Variants in ANKS1B observed in about 807,000 individuals in gnomAD.
ANKS1B encodes ankyrin repeat and sterile alpha motif domain containing 1B, also known as ankyrin repeat and sterile alpha motif domain-containing protein 1B.
Under a neutral mutation model 148.3 loss-of-function variants are expected in ANKS1B, and 36 were observed. That is an observed-to-expected ratio of 0.24 (90% confidence interval 0.19 to 0.32). The LOEUF (loss-of-function observed/expected upper bound fraction) is 0.32. Among genes scored for constraint, ANKS1B ranks in the 10% least tolerant of loss-of-function variants. ANKS1B has a pLI of 1.00. For synonymous variants in ANKS1B, 542 were observed against 560.8 expected, an observed-to-expected ratio of 0.97 and a Z score of 0.47; for missense variants, 1,157 against 1,542.6, an observed-to-expected ratio of 0.75 and a Z score of 4.19.
At chr12:99,760,879 G>A (rs1280203471) in intron 8 of ANKS1B, among the ~76,000 whole-genome samples, 2 of 150,252 alleles carry the variant, frequency 1.3e-5, no homozygotes, top group South Asian at 2.1e-4. Context: ...CAATCCCACC[G>A]AAATACAAAA....
At chr12:99,192,668 AC>A (rs1178544957) in intron 14 of ANKS1B, among the ~76,000 whole-genome samples, 1 of 152,148 alleles carries the variant, frequency 6.6e-6, no homozygotes, top group Admixed American at 6.6e-5. Context: ...TAATTGAAAA[AC>A]GTATACAAAT....
intron 11 of ANKS1B, among the ~76,000 whole-genome samples, chr12:99,421,585 A>G (rs2095084391): frequency 1.3e-5 from 2 of 152,100 alleles, no homozygotes; most frequent in South Asian, 4.2e-4. Context: ...CTTTTTAGAA[A>G]GCATGGCATT....
intron 17 of ANKS1B, among the ~76,000 whole-genome samples, chr12:99,012,048 C>A (rs1042205858): frequency 2.0e-5 from 3 of 152,094 alleles, no homozygotes; most frequent in Non-Finnish European, 2.9e-5. Context: ...CAGGTACGTG[C>A]ATGTCTGTTT....
intron 10 of ANKS1B, among the ~76,000 whole-genome samples, chr12:99,447,968 T>A (rs2095663533): frequency 6.6e-6 from 1 of 151,942 alleles, no homozygotes; most frequent in South Asian, 2.1e-4. Context: ...CTAGCAAGGG[T>A]GTGGAGAAAG....
intron 3 of ANKS1B, among the ~76,000 whole-genome samples, chr12:99,809,234 A>T (rs2068025372): frequency 6.6e-6 from 1 of 152,142 alleles, no homozygotes; most frequent in Non-Finnish European, 1.5e-5. Context: ...ATGATAGAAC[A>T]AAACTGGCTA....
intron 22 of ANKS1B, among the ~76,000 whole-genome samples, chr12:98,784,527 C>T (rs1389016267): frequency 6.6e-6 from 1 of 152,162 alleles, no homozygotes; most frequent in Non-Finnish European, 1.5e-5. Flanking sequence ...GGGTGGAATT[C>T]CTGGCTTTTG....
chr12:98,875,257 G>T (rs1458745532), intron 17 of ANKS1B, among the ~76,000 whole-genome samples: 1 of 152,134 alleles, frequency 6.6e-6, no homozygotes, highest in Non-Finnish European at 1.5e-5. Flanking sequence ...CCAGAGCCCA[G>T]TATTGCAGTA....
intron 10 of ANKS1B, among the ~76,000 whole-genome samples, chr12:99,463,743 C>T (rs997400305): frequency 6.6e-6 from 1 of 152,188 alleles, no homozygotes; most frequent in Non-Finnish European, 1.5e-5. Context: ...TGGGGAGGGG[C>T]GCCCGCCATT....
At chr12:99,928,797 C>T (rs1480951006) in intron 1 of ANKS1B, among the ~76,000 whole-genome samples, 3 of 152,132 alleles carry the variant, frequency 2.0e-5, no homozygotes, top group Admixed American at 1.3e-4. Context: ...CTCTCAGGAT[C>T]GTAACTCCAG....
chr12:99,355,605 A>T (rs1028103770), intron 12 of ANKS1B, among the ~76,000 whole-genome samples: 8 of 152,084 alleles, frequency 5.3e-5, no homozygotes, highest in African/African-American at 1.9e-4. Context: ...TTCAGATTTC[A>T]TTTCTCATTT....
chr12:99,027,461 T>C (rs1051572420), intron 17 of ANKS1B, among the ~76,000 whole-genome samples: 27 of 152,320 alleles, frequency 1.8e-4, no homozygotes, highest in Admixed American at 1.3e-3. Flanking sequence ...GTACCCAAAC[T>C]CTTCATTTTC....
chr12:99,036,142 G>T lies in ANKS1B; in HGVS notation c.2778+17015C>A, dbSNP rs149644861. On this transcript the variant is annotated intron_variant, in intron 17 of 26. Transcript: ENST00000683438. ...ATTTTGAGGCAGGAGATACATGAGC[G>T]ACTGCAGCAGCATAAGAAGTCAGTG... Among the ~76,000 whole-genome samples the T allele has an allele frequency of 3.9e-5, 6 of 152,246 alleles. No individual in the cohort carries two copies. In the East Asian group the frequency reaches 1.2e-3, roughly 29 times the overall value.
intron 12 of ANKS1B, among the ~76,000 whole-genome samples, chr12:99,293,365 G>A (rs1286307370): frequency 6.6e-6 from 1 of 151,916 alleles, no homozygotes; most frequent in Non-Finnish European, 1.5e-5. Context: ...GTGGGGGCTG[G>A]GGAAGGGATA....
intron 9 of ANKS1B, among the ~76,000 whole-genome samples, chr12:99,654,589 T>G (rs2098440933): frequency 6.6e-6 from 1 of 152,178 alleles, no homozygotes; most frequent in African/African-American, 2.4e-5. Context: ...TAGTCAATAT[T>G]TTAGTGTTCT....
intron 15 of ANKS1B, among the ~76,000 whole-genome samples, chr12:99,113,880 A>G (rs146201009): frequency 6.6e-6 from 1 of 152,212 alleles, no homozygotes; most frequent in African/African-American, 2.4e-5. Context: ...GAAACTTTTT[A>G]GAATGGTAAT....
At chr12:99,415,105 TA>T (rs2094853805) in intron 11 of ANKS1B, among the ~76,000 whole-genome samples, 1 of 151,920 alleles carries the variant, frequency 6.6e-6, no homozygotes, top group African/African-American at 2.4e-5. Flanking sequence ...ATGTAGATAT[TA>T]AAGACCTGAA....
In ANKS1B at chr12:99,325,236, C is replaced by T. The variant is rs887502597; in HGVS notation, c.1756+74395G>A. ...AGTTGAGTCTCTAAGAAAGATGAGACATCAGTTTGAAAAGAGCCCCTATCA... is the reference window on the plus strand; with the variant it reads ...AGTTGAGTCTCTAAGAAAGATGAGATATCAGTTTGAAAAGAGCCCCTATCA... On this transcript the variant is annotated intron_variant, in intron 12 of 26. Coordinates refer to ENST00000683438, the MANE Select transcript of ANKS1B (RefSeq NM_001352186.2). Among the ~76,000 whole-genome samples, 38 of 152,038 alleles carry T rather than the reference C, an allele frequency of 2.5e-4. 1 individual carries two copies. The highest frequency in any genetic ancestry group is 6.6e-5 in the Admixed American group (1 of 15,250).
chr12:98,743,854 C>G (rs2097825978), downstream of ANKS1B: 1 of 342,656 alleles, frequency 2.9e-6, no homozygotes, highest in Non-Finnish European at 4.1e-6. Flanking sequence ...TGCAACTTTT[C>G]TCAACAATTT....
rs568686341 is a variant in ANKS1B at position 99,408,706 on chromosome 12, C to T, written c.1576-8895G>A. Among the ~76,000 whole-genome samples the T allele has an allele frequency of 8.9e-5, 13 of 146,088 alleles. No homozygotes were observed. The East Asian group carries it at 2.5e-3, about 28-fold the overall frequency. ...GGGCAAAAGATCAGAATAGACATTTCTCAAAAGAAGACATACAAATGGCGA... is the reference window on the plus strand; with the variant it reads ...GGGCAAAAGATCAGAATAGACATTTTTCAAAAGAAGACATACAAATGGCGA... On this transcript the variant is annotated intron_variant, in intron 11 of 26. Coordinates refer to ENST00000683438, the MANE Select transcript of ANKS1B (RefSeq NM_001352186.2).
Sources: gnomAD v4.1 joint callset for allele counts (sites outside exome capture counted in the v4.1 genomes callset) on GRCh38, gnomAD v4.1.1 for gene constraint, MANE v1.5 for transcripts, NCBI Gene and HGNC (gene_info 2026-07-23, HGNC 2026-07-21) for gene names.